The following ZMYND11 variants were observed in gnomAD, a reference collection of about 807,000 sequenced individuals.
The protein encoded by ZMYND11 is zinc finger MYND domain-containing protein 11.
In ZMYND11, 9 loss-of-function variants were observed where a neutral mutation model predicts 84.9. The ratio of observed to expected loss-of-function variants is 0.11; its 90% CI spans 0.06 to 0.18. The LOEUF is 0.18. Among genes scored for constraint, ZMYND11 ranks in the 10% least tolerant of loss-of-function variants. The pLI is 1.00. For synonymous variants in ZMYND11, 250 were observed against 244.1 expected (o/e 1.02, Z -0.23); for missense variants, 409 against 761.0 (o/e 0.54, Z 5.44).
intron 1 of ZMYND11, among the ~76,000 whole-genome samples, chr10:136,050 G>A (rs1342891562): frequency 4.9e-4 from 74 of 151,962 alleles, no homozygotes; most frequent in Non-Finnish European, 1.0e-4. Context: ...TAGCCCGGGA[G>A]CGGCGGGCAG....
intron 2 of ZMYND11, among the ~76,000 whole-genome samples, chr10:197,096 G>A (rs1353306437): frequency 1.3e-5 from 2 of 149,200 alleles, no homozygotes; most frequent in Non-Finnish European, 3.0e-5. Flanking sequence ...ACGCATGGAA[G>A]GTGGCGTGCT....
At chr10:132,280 GTAATA>G (rs1470131209), upstream of ZMYND11, among the ~76,000 whole-genome samples, 112 of 148,680 alleles carry the variant, frequency 7.5e-4, 1 homozygote, top group African/African-American at 2.6e-3. Flanking sequence ...AAAAAAATAT[GTAATA>G]TAATATATAT....
intron 3 of ZMYND11, among the ~76,000 whole-genome samples, chr10:214,124 T>C (rs1346202202): frequency 6.6e-6 from 1 of 152,190 alleles, no homozygotes; most frequent in Non-Finnish European, 1.5e-5. Flanking sequence ...TTTGCAGCCC[T>C]AATGATCACA....
At chr10:201,047 A>T (rs555004559) in intron 2 of ZMYND11, among the ~76,000 whole-genome samples, 56 of 152,052 alleles carry the variant, frequency 3.7e-4, no homozygotes, top group Admixed American at 8.5e-4. Context: ...ATACTCATAA[A>T]GTCTTTTGAC....
In ZMYND11 at chr10:242,131, C is replaced by T; in HGVS notation, c.942C>T (p.His314=). 2 of 1,614,074 alleles carry T rather than the reference C, an allele frequency of 1.2e-6. No individual in the cohort carries two copies. Among genetic ancestry groups the T allele is most frequent in the Non-Finnish European group, 1.7e-6 (2 of 1,179,980 alleles). Residue 314 remains histidine (H), a synonymous_variant, in exon 10 of 15, where the codon CAC becomes CAT. Coordinates refer to ENST00000381604, the MANE Select transcript of ZMYND11 (RefSeq NM_001370100.5). ...NQVDVRFFGH[H]HQRAWIPSEN... ...TCGACGTTCGCTTCTTTGGCCACCACCACCAGAGGTAATTTGTGATCCCAT... is the reference window on the plus strand; with the variant it reads ...TCGACGTTCGCTTCTTTGGCCACCATCACCAGAGGTAATTTGTGATCCCAT...
chr10:150,603 T>G (rs944119980), intron 1 of ZMYND11, among the ~76,000 whole-genome samples: 2 of 152,192 alleles, frequency 1.3e-5, no homozygotes, highest in East Asian at 3.9e-4. Context: ...TCGAACTGGG[T>G]GGAGCCCACT....
intron 1 of ZMYND11, among the ~76,000 whole-genome samples, chr10:173,883 A>G (rs1370540100): frequency 1.3e-5 from 2 of 152,206 alleles, no homozygotes; most frequent in African/African-American, 4.8e-5. Flanking sequence ...AGAATGGCTC[A>G]GATCCAAAAC....
At chr10:185,812 TCAAAAAAA>T (rs1407408991) in intron 2 of ZMYND11, among the ~76,000 whole-genome samples, 73 of 13,746 alleles carry the variant, frequency 5.3e-3, no homozygotes, top group East Asian at 0.026. Flanking sequence ...AAACTCCGTC[TCAAAAAAA>T]CAAAAAAACA....
intron 2 of ZMYND11, among the ~76,000 whole-genome samples, chr10:207,698 T>C (rs1944434347): frequency 6.6e-6 from 1 of 152,140 alleles, no homozygotes; most frequent in African/African-American, 2.4e-5. Context: ...GAAGAATCAA[T>C]ATCGTGAAAA....
chr10:192,917 C>T (rs952093302), intron 2 of ZMYND11, among the ~76,000 whole-genome samples: 2 of 152,104 alleles, frequency 1.3e-5, no homozygotes, highest in East Asian at 1.9e-4. Context: ...ACGGGGTGCT[C>T]TTTATTCTAA....
rs533435366 is a variant in ZMYND11 at position 252,079 on chromosome 10, G to C, written c.1687-269G>C. On this transcript the variant is annotated intron_variant, in intron 14 of 14. Transcript: ENST00000381604. The surrounding 1 kb of genome is among the most constrained non-coding windows in gnomAD (Gnocchi z 4.6). ...TGAAGTCAAGAGCATTTTAAGAAAA[G>C]AAACGGGAATGACTCTCACAGAGAT... 6.6e-6 allele frequency among the ~76,000 whole-genome samples: 1 copy of C among 152,268 alleles called. No homozygotes were observed. The highest frequency in any genetic ancestry group is 2.4e-5 in the African/African-American group (1 of 41,554).
intron 2 of ZMYND11, among the ~76,000 whole-genome samples, chr10:184,370 T>C (rs1173261523): frequency 1.3e-5 from 2 of 152,216 alleles, no homozygotes; most frequent in Non-Finnish European, 2.9e-5. Flanking sequence ...TCCTGTCTTC[T>C]GTATTTGTAC....
At chr10:229,240 G>A (rs1424379639) in intron 4 of ZMYND11, among the ~76,000 whole-genome samples, 3 of 152,170 alleles carry the variant, frequency 2.0e-5, no homozygotes, top group African/African-American at 4.8e-5. Flanking sequence ...ATTCTTGTGC[G>A]TTAGTAATTC....
At chr10:188,143 T>C (rs1381394057) in intron 2 of ZMYND11, among the ~76,000 whole-genome samples, 1 of 152,156 alleles carries the variant, frequency 6.6e-6, no homozygotes, top group African/African-American at 2.4e-5. Context: ...TTGAAAGTTA[T>C]TTAACAGTAA....
At chr10:237,200 TTGA>T (rs970969031) in intron 5 of ZMYND11, among the ~76,000 whole-genome samples, 5 of 152,252 alleles carry the variant, frequency 3.3e-5, no homozygotes, top group East Asian at 1.9e-4. Context: ...AACATTTTCA[TTGA>T]TGATGACTCT....
chr10:180,436 G>T (rs1031199689), intron 2 of ZMYND11, among the ~76,000 whole-genome samples: 4 of 152,112 alleles, frequency 2.6e-5, no homozygotes, highest in African/African-American at 4.8e-5. Flanking sequence ...GTCTCATTCT[G>T]TTGCCCAGGC....
At chr10:244,057 AAG>A (rs1357690207) in intron 10 of ZMYND11, among the ~76,000 whole-genome samples, 1 of 152,186 alleles carries the variant, frequency 6.6e-6, no homozygotes, top group African/African-American at 2.4e-5. Flanking sequence ...TTTAGAAAAT[AAG>A]AGAGGTTGAC....
chr10:156,518 T>G (rs1841760772), intron 1 of ZMYND11, among the ~76,000 whole-genome samples: 1 of 152,242 alleles, frequency 6.6e-6, no homozygotes. Flanking sequence ...TCATGGATGG[T>G]AGATCCTTTT....
At chr10:142,850 A>G (rs1341579642) in intron 1 of ZMYND11, among the ~76,000 whole-genome samples, 4 of 152,218 alleles carry the variant, frequency 2.6e-5, no homozygotes, top group Non-Finnish European at 5.9e-5. Flanking sequence ...AATGACAGGT[A>G]GTAATCTGAG....
Sources: gnomAD v4.1 joint callset for allele counts (sites outside exome capture counted in the v4.1 genomes callset) on GRCh38, gnomAD v4.1.1 for gene constraint, Gnocchi (gnomAD v3.1) non-coding constraint, MANE v1.5 for transcripts, NCBI Gene and HGNC (gene_info 2026-07-23, HGNC 2026-07-21) for gene names.